The following MEF2C variants were observed in gnomAD, a reference collection of about 807,000 sequenced individuals.
MEF2C encodes myocyte-specific enhancer factor 2C.
In MEF2C, 6 loss-of-function variants were observed where a neutral mutation model predicts 50.5. That is an observed-to-expected ratio of 0.12 (90% CI 0.07 to 0.23). The LOEUF is 0.23. Among genes scored for constraint, MEF2C ranks in the 10% least tolerant of loss-of-function variants. MEF2C has a pLI of 1.00. For missense variants in MEF2C, 276 were observed against 605.0 expected (o/e 0.46, Z 5.70); for synonymous variants, 183 against 228.0 (o/e 0.80, Z 1.78).
At chr5:88,826,516 AT>A (rs1157258012) in intron 1 of MEF2C, among the ~76,000 whole-genome samples, 2 of 151,980 alleles carry the variant, frequency 1.3e-5, no homozygotes, top group East Asian at 3.9e-4. Context: ...GGGTCACCAC[AT>A]TTCAAGGCTG....
At chr5:88,850,558 T>A (rs1335397406) in intron 1 of MEF2C, among the ~76,000 whole-genome samples, 5 of 152,060 alleles carry the variant, frequency 3.3e-5, no homozygotes, top group Admixed American at 1.3e-4. Context: ...TATGGAGGAT[T>A]CAGAGTTGAA....
intron 3 of MEF2C, chr5:88,766,730 G>A (rs1780219354): frequency 1.7e-5 from 17 of 985,092 alleles, no homozygotes; most frequent in African/African-American, 3.5e-5. Flanking sequence ...ATCACACTTT[G>A]TTGCATAGGT....
intron 6 of MEF2C, chr5:88,735,746 T>A (rs945053506): frequency 4.1e-6 from 4 of 985,268 alleles, no homozygotes; most frequent in African/African-American, 1.7e-5. Flanking sequence ...GCATTTTTTT[T>A]ATTGACTCCT....
intron 2 of MEF2C, among the ~76,000 whole-genome samples, chr5:88,810,439 G>T (rs776259414): frequency 8.6e-5 from 13 of 151,942 alleles, no homozygotes; most frequent in African/African-American, 1.2e-4. Context: ...AAAGATGAAA[G>T]ATAAAAAAGT....
At chr5:88,751,425 A>G (rs944212352) in intron 5 of MEF2C, 17 of 985,096 alleles carry the variant, frequency 1.7e-5, no homozygotes, top group Non-Finnish European at 2.0e-5. Context: ...ATAAAAAAAA[A>G]TTGACCCAAA....
chr5:88,856,627 G>C (rs1418981692), intron 1 of MEF2C, among the ~76,000 whole-genome samples: 1 of 152,258 alleles, frequency 6.6e-6, no homozygotes, highest in Non-Finnish European at 1.5e-5. Context: ...CTTGGGACTT[G>C]GTGCCCTGTG....
chr5:88,829,513 CTA>C (rs1812204851), intron 1 of MEF2C, among the ~76,000 whole-genome samples: 1 of 152,040 alleles, frequency 6.6e-6, no homozygotes, highest in Non-Finnish European at 1.5e-5. Context: ...GAGCTAATGA[CTA>C]TTCGTTGACT....
intron 1 of MEF2C, among the ~76,000 whole-genome samples, chr5:88,867,157 C>T (rs1197822918): frequency 6.6e-6 from 1 of 152,144 alleles, no homozygotes; most frequent in African/African-American, 2.4e-5. Flanking sequence ...AAGTATATAT[C>T]ACAGGCCAAG....
intron 3 of MEF2C, among the ~76,000 whole-genome samples, chr5:88,781,218 G>A (rs1216595307): frequency 6.6e-6 from 1 of 152,056 alleles, no homozygotes. Flanking sequence ...TTATTTAAAT[G>A]TAAGCACCAA....
At chr5:88,797,454 CCTTTTTTTTTTTT>C (rs1001532120) in intron 3 of MEF2C, among the ~76,000 whole-genome samples, 1 of 25,242 alleles carries the variant, frequency 4.0e-5, no homozygotes, top group Non-Finnish European at 9.3e-5. Context: ...GCAACCCTTG[CCTTTTTTTTTTTT>C]TTTTTTTTTT....
Position 88,869,302 on chromosome 5 carries a change from T to TATATATAC in MEF2C, c.-143+13652_-143+13653insGTATATAT, listed in dbSNP as rs1561421443. Among the ~76,000 whole-genome samples, 28 of 106,128 alleles carry TATATATAC rather than the reference T, an allele frequency of 2.6e-4. 1 individual carries two copies. Among genetic ancestry groups the TATATATAC allele is most frequent in the African/African-American group, 5.0e-4 (13 of 25,746 alleles). The allele number at this position is 106,128 out of a possible 152,430, so 69.6% of individuals were successfully genotyped here. ...ACATATATATATATATATACACATA[T>TATATATAC]ATATATATATATACACATATAGCTT... On this transcript the variant is annotated intron_variant, in intron 1 of 10. Coordinates refer to ENST00000504921, the MANE Select transcript of MEF2C (RefSeq NM_002397.5).
intron 1 of MEF2C, among the ~76,000 whole-genome samples, chr5:88,845,659 A>T (rs1250155095): frequency 1.3e-5 from 2 of 152,220 alleles, no homozygotes; most frequent in Non-Finnish European, 2.9e-5. Context: ...TATGGTGAAC[A>T]TCTCAGAAGT....
At chr5:88,798,377 T>C (rs1796892046) in intron 3 of MEF2C, among the ~76,000 whole-genome samples, 1 of 152,088 alleles carries the variant, frequency 6.6e-6, no homozygotes, top group African/African-American at 2.4e-5. Context: ...CATGCTTTAT[T>C]TCATTAAATT....
rs563084653 is a variant in MEF2C, at chr5:88,833,442, T to C, written c.-142-9512A>G. ...ATTTAGTACAAAGAAGCTGAAAATA[T>C]CCTGTGGAAAAAAAAATCTGTAGAG... On this transcript the variant is annotated intron_variant, in intron 1 of 10. Coordinates refer to ENST00000504921, the MANE Select transcript of MEF2C (RefSeq NM_002397.5). Among the ~76,000 whole-genome samples, 8 of 152,166 alleles carry C rather than the reference T, an allele frequency of 5.3e-5. No individual in the cohort carries two copies. In the East Asian group the frequency reaches 1.5e-3, roughly 29 times the overall value.
intron 1 of MEF2C, among the ~76,000 whole-genome samples, chr5:88,825,265 ATT>A (rs34835022): frequency 6.3e-5 from 9 of 142,450 alleles, no homozygotes; most frequent in African/African-American, 7.7e-5. Flanking sequence ...CACCTTGGGT[ATT>A]TTTTTTTTTT....
chr5:88,810,474 A>C (rs1313617691), intron 2 of MEF2C, among the ~76,000 whole-genome samples: 1 of 152,132 alleles, frequency 6.6e-6, no homozygotes, highest in Non-Finnish European at 1.5e-5. Context: ...TTAATTTTAC[A>C]ATCACAGGAT....
At chr5:88,848,702 C>T (rs1820190795) in intron 1 of MEF2C, among the ~76,000 whole-genome samples, 1 of 152,024 alleles carries the variant, frequency 6.6e-6, no homozygotes, top group African/African-American at 2.4e-5. Flanking sequence ...ATACAAATTC[C>T]ATTTGCCTAT....
chr5:88,739,522 T>A, intron 6 of MEF2C: 1 of 980,194 alleles, frequency 1.0e-6, no homozygotes, highest in Non-Finnish European at 1.2e-6. Context: ...TGAACATACA[T>A]CTTTTTATAG....
At chr5:88,769,854 C>T in intron 3 of MEF2C, 1 of 556,738 alleles carries the variant, frequency 1.8e-6, no homozygotes, top group Non-Finnish European at 2.3e-6. Flanking sequence ...CAATGTTGTC[C>T]AGGCTGGTCT....
Sources: gnomAD v4.1 joint callset for allele counts (sites outside exome capture counted in the v4.1 genomes callset) on GRCh38, gnomAD v4.1.1 for gene constraint, MANE v1.5 for transcripts, NCBI Gene and HGNC (gene_info 2026-07-23, HGNC 2026-07-21) for gene names.